CYREN: variants seen among roughly 807,000 people sequenced by gnomAD.
CYREN encodes the protein cell cycle regulator of non-homologous end joining.
A neutral mutation model predicts 9.7 loss-of-function variants in CYREN; 7 were observed. That is an observed-to-expected ratio of 0.72 (90% CI 0.41 to 1.36). The LOEUF (loss-of-function observed/expected upper bound fraction) is 1.36, where lower values mean the gene tolerates loss of function less well. Among genes scored for constraint, CYREN ranks in the 40% most tolerant of loss-of-function variants. CYREN has a pLI of 0.01. For missense variants in CYREN, 215 were observed against 198.1 expected (o/e 1.09, Z -0.51); for synonymous variants, 76 against 77.9 (o/e 0.98, Z 0.13).
chr7:135,168,050 A>G, intron 2 of CYREN: 1 of 574,262 alleles, frequency 1.7e-6, no homozygotes, highest in Non-Finnish European at 3.0e-6. Context: ...CTGCCCTACA[A>G]GGATCTGGAA....
At chr7:135,096,556 GAAAGATAGATAGATAGATAGATAGATAC>G (rs202174550) in intron 2 of CYREN, among the ~76,000 whole-genome samples, 11,625 of 92,430 alleles carry the variant, frequency 0.13, 744 homozygotes, top group South Asian at 0.22. Context: ...AAGAAAGAAA[GAAAGATAGATAGATAGATAGATAGATAC>G]ATAGATAGAT....
chr7:135,099,632 T>A (rs12707213), intron 2 of CYREN, among the ~76,000 whole-genome samples: 66,648 of 151,838 alleles, frequency 0.44, 15,323 homozygotes, highest in East Asian at 0.78. Flanking sequence ...TTCCTCTGTC[T>A]TATAAGATTT....
upstream of CYREN, among the ~76,000 whole-genome samples, chr7:135,171,381 T>C (rs1475778381): frequency 6.6e-6 from 1 of 151,388 alleles, no homozygotes; most frequent in Non-Finnish European, 1.5e-5. Context: ...GGCCCAAAAC[T>C]GGACCTGGGC....
At chr7:135,161,493 C>A (rs376341985), downstream of CYREN, among the ~76,000 whole-genome samples, 38 of 152,240 alleles carry the variant, frequency 2.5e-4, no homozygotes, top group South Asian at 7.7e-3. The surrounding 1 kb of genome is among the most constrained non-coding windows in gnomAD (Gnocchi z 4.1). Context: ...TCAGGGAAGT[C>A]CTGGAAATCT....
At chr7:135,157,990 G>A (rs1412541368) in intron 2 of CYREN, among the ~76,000 whole-genome samples, 2 of 151,786 alleles carry the variant, frequency 1.3e-5, no homozygotes, top group Middle Eastern at 3.4e-3. Flanking sequence ...CTTGAGTCTC[G>A]GTCTCACAGC....
At chr7:135,153,882 C>G (rs1458844373) in intron 2 of CYREN, among the ~76,000 whole-genome samples, 2 of 152,094 alleles carry the variant, frequency 1.3e-5, no homozygotes, top group Non-Finnish European at 2.9e-5. Context: ...ATTCCTTTCT[C>G]CTTGATTTTT....
intron 2 of CYREN, among the ~76,000 whole-genome samples, chr7:135,136,305 G>T (rs1829343762): frequency 6.6e-6 from 1 of 152,058 alleles, no homozygotes; most frequent in Non-Finnish European, 1.5e-5. Flanking sequence ...AGTATTTCTA[G>T]TAGCTAAAGA....
At chr7:135,126,427 T>C (rs1379690998) in intron 2 of CYREN, among the ~76,000 whole-genome samples, 1 of 152,182 alleles carries the variant, frequency 6.6e-6, no homozygotes, top group East Asian at 1.9e-4. Context: ...TCCTCGTGGA[T>C]AGGAAGAATC....
chr7:135,130,926 A>AT (rs1828663935), intron 2 of CYREN, among the ~76,000 whole-genome samples: 1 of 152,094 alleles, frequency 6.6e-6, no homozygotes, highest in Non-Finnish European at 1.5e-5. Context: ...GCAAAGTAAA[A>AT]TTTTTTGGAA....
chr7:135,137,229 A>T (rs1829366840), intron 2 of CYREN, among the ~76,000 whole-genome samples: 1 of 152,104 alleles, frequency 6.6e-6, no homozygotes, highest in Non-Finnish European at 1.5e-5. Context: ...ACAAAAAAAA[A>T]ATGCTAGAAA....
intron 2 of CYREN, among the ~76,000 whole-genome samples, chr7:135,130,596 T>C (rs1828602520): frequency 6.6e-6 from 1 of 151,816 alleles, no homozygotes; most frequent in Admixed American, 6.6e-5. Context: ...GAAAGCTTAA[T>C]AATATATTAA....
chr7:135,105,218 C>T (rs1434106909), intron 2 of CYREN, among the ~76,000 whole-genome samples: 2 of 151,924 alleles, frequency 1.3e-5, no homozygotes, highest in Non-Finnish European at 2.9e-5. Flanking sequence ...TACAGGTGCC[C>T]ACCACCACGT....
At chr7:135,094,506 G>T (rs1358766387) in exon 3 of CYREN, 1 of 456,528 alleles carries the variant, frequency 2.2e-6, no homozygotes, top group African/African-American at 2.0e-5. Context: ...GTCTTGTCTG[G>T]AGCTTCATTT....
chr7:135,145,444 T>C (rs1271526443), intron 2 of CYREN, among the ~76,000 whole-genome samples: 2 of 152,094 alleles, frequency 1.3e-5, no homozygotes, highest in Non-Finnish European at 2.9e-5. Flanking sequence ...ATCCCCAGCA[T>C]GGTGGTGATG....
chr7:135,105,415 T>C (rs549336974), intron 2 of CYREN, among the ~76,000 whole-genome samples: 2 of 152,260 alleles, frequency 1.3e-5, no homozygotes, highest in African/African-American at 4.8e-5. Context: ...TTGTATATGG[T>C]GTAAGGTAGG....
intron 3 of CYREN, 23 bp from the exon 4 acceptor site, chr7:135,166,894 G>A: frequency 6.2e-7 from 1 of 1,607,204 alleles, no homozygotes; most frequent in African/African-American, 1.3e-5. Flanking sequence ...GGAAAACGCA[G>A]GCTCAACATA....
intron 2 of CYREN, chr7:135,152,881 A>G (rs1055839748): frequency 6.6e-6 from 1 of 152,362 alleles, no homozygotes; most frequent in South Asian, 2.1e-4. Context: ...CCTCAAGGCC[A>G]TGATAGCAAC....
intron 2 of CYREN, among the ~76,000 whole-genome samples, chr7:135,155,191 C>A (rs1043232808): frequency 6.6e-6 from 1 of 152,126 alleles, no homozygotes; most frequent in African/African-American, 2.4e-5. Context: ...CATGGAATAT[C>A]TTTTTCCACC....
rs1830282933 is a variant in CYREN, at chr7:135,167,751, G to A, written c.194C>T (p.Ala65Val). 1 of 1,614,166 alleles carries A rather than the reference G, an allele frequency of 6.2e-7. No homozygotes were observed. The highest frequency in any genetic ancestry group is 8.5e-7 in the Non-Finnish European group (1 of 1,180,014). ...CMNEAEIVDV[A>V]LGILIESRKQ... ...CTTTACCTCAATCAGGATTCCCAGA[G>A]CAACATCAACTATCTCAGCCTCATT... The change falls in exon 3 of 4, where the codon GCT becomes GTT. Residue 65 changes from alanine (A) to valine (V), a missense_variant. Ala to Val is a moderately conservative substitution (Grantham distance 64, BLOSUM62 0). Transcript: ENST00000393114.
Sources: gnomAD v4.1 joint callset for allele counts (sites outside exome capture counted in the v4.1 genomes callset) on GRCh38, gnomAD v4.1.1 for gene constraint, Gnocchi (gnomAD v3.1) non-coding constraint, MANE v1.5 for transcripts, NCBI Gene and HGNC (gene_info 2026-07-23, HGNC 2026-07-21) for gene names.